The following FGGY variants were observed in gnomAD, a reference collection of about 807,000 sequenced individuals.
FGGY encodes the protein FGGY carbohydrate kinase domain containing, also known as FGGY carbohydrate kinase domain-containing protein.
FGGY carries 72 observed loss-of-function variants against 71.3 expected under a neutral mutation model. The ratio of observed to expected loss-of-function variants is 1.01; its 90% CI spans 0.84 to 1.23. FGGY has a LOEUF of 1.23. FGGY is among the 50% of genes most tolerant of loss of function. The pLI is 0.00. For missense variants in FGGY, 668 were observed against 682.3 expected, an observed-to-expected ratio of 0.98 and a Z score of 0.23; for synonymous variants, 251 against 250.3, an observed-to-expected ratio of 1.00 and a Z score of -0.02.
chr1:59,637,071 G>A (rs1486447030), intron 10 of FGGY, among the ~76,000 whole-genome samples: 2 of 152,188 alleles, frequency 1.3e-5, no homozygotes, highest in Non-Finnish European at 2.9e-5. Flanking sequence ...GGGGAAGGTT[G>A]ACCAGCTTTC....
chr1:59,420,002 G>A (rs1450020345), intron 5 of FGGY, among the ~76,000 whole-genome samples: 1 of 152,230 alleles, frequency 6.6e-6, no homozygotes, highest in Non-Finnish European at 1.5e-5. Context: ...GAGATAATGT[G>A]TAGTGATTTG....
chr1:59,624,325 C>T (rs1013579027), intron 9 of FGGY, among the ~76,000 whole-genome samples: 6 of 152,062 alleles, frequency 3.9e-5, no homozygotes, highest in African/African-American at 1.4e-4. Flanking sequence ...TGACCTTGGG[C>T]AAGATATTCA....
chr1:59,730,498 C>A (rs1278027038), intron 14 of FGGY, among the ~76,000 whole-genome samples: 1 of 152,140 alleles, frequency 6.6e-6, no homozygotes, highest in Non-Finnish European at 1.5e-5. Context: ...AGAATAGCAC[C>A]TGACTCAAAG....
chr1:59,472,867 C>T (rs1272766892), intron 6 of FGGY, among the ~76,000 whole-genome samples: 1 of 152,066 alleles, frequency 6.6e-6, no homozygotes, highest in African/African-American at 2.4e-5. Context: ...AATCAGCACC[C>T]AGTGTCTAGC....
At chr1:59,546,422 AGGGTT>A (rs201598260) in intron 7 of FGGY, among the ~76,000 whole-genome samples, 3,137 of 13,394 alleles carry the variant, frequency 0.23, 145 homozygotes, top group African/African-American at 0.42. Flanking sequence ...AGAGGGTGGG[AGGGTT>A]GGGGTGGGGA....
At chr1:59,325,401 A>G (rs2047249894) in intron 2 of FGGY, among the ~76,000 whole-genome samples, 2 of 152,062 alleles carry the variant, frequency 1.3e-5, no homozygotes, top group Non-Finnish European at 2.9e-5. Flanking sequence ...AGTAAGCTTA[A>G]ACATTCCTGT....
intron 14 of FGGY, among the ~76,000 whole-genome samples, chr1:59,697,095 A>T (rs1398192192): frequency 6.6e-6 from 1 of 152,238 alleles, no homozygotes; most frequent in Non-Finnish European, 1.5e-5. Flanking sequence ...GTTGAAGGTC[A>T]TGCTTCATAT....
At chr1:59,617,826 G>C (rs144465505) in intron 9 of FGGY, among the ~76,000 whole-genome samples, 67 of 152,186 alleles carry the variant, frequency 4.4e-4, no homozygotes, top group Middle Eastern at 3.4e-3. Flanking sequence ...ATTGTGCTTG[G>C]ATTGAGTCAC....
intron 6 of FGGY, among the ~76,000 whole-genome samples, chr1:59,476,183 G>A (rs1289161368): frequency 6.6e-6 from 1 of 152,168 alleles, no homozygotes; most frequent in Non-Finnish European, 1.5e-5. Flanking sequence ...TCAGAGAAGA[G>A]CTTTCCCTTA....
intron 8 of FGGY, among the ~76,000 whole-genome samples, chr1:59,557,580 T>C (rs184108829): frequency 1.3e-5 from 2 of 152,356 alleles, no homozygotes; most frequent in Non-Finnish European, 1.5e-5. Context: ...GCTGCACATT[T>C]ATCTTCCTTG....
chr1:59,690,830 C>A (rs1356743495), intron 14 of FGGY, among the ~76,000 whole-genome samples: 1 of 152,244 alleles, frequency 6.6e-6, no homozygotes, highest in Non-Finnish European at 1.5e-5. Flanking sequence ...CAGGTAAAAT[C>A]TGACCTATGT....
At chr1:59,546,525 TGA>T (rs56911974) in intron 7 of FGGY, among the ~76,000 whole-genome samples, 3,145 of 100,624 alleles carry the variant, frequency 0.031, 60 homozygotes, top group South Asian at 0.063. Flanking sequence ...ATGATGATGA[TGA>T]TGATGATGAT....
intron 9 of FGGY, among the ~76,000 whole-genome samples, chr1:59,609,711 A>T (rs1398593011): frequency 6.6e-6 from 1 of 152,226 alleles, no homozygotes; most frequent in Non-Finnish European, 1.5e-5. Context: ...TGTATATGCA[A>T]ATATCTGTGA....
chr1:59,535,800 A>G (rs1233336007), intron 7 of FGGY, among the ~76,000 whole-genome samples: 1 of 149,526 alleles, frequency 6.7e-6, no homozygotes, highest in African/African-American at 2.5e-5. Context: ...CAAAGACACA[A>G]CATACCAGAA....
At chr1:59,410,928 CCTT>C (rs959311049) in intron 5 of FGGY, among the ~76,000 whole-genome samples, 1 of 152,144 alleles carries the variant, frequency 6.6e-6, no homozygotes, top group Non-Finnish European at 1.5e-5. Context: ...ACTATGGGAA[CCTT>C]CTGTGTCACT....
At chr1:59,312,669 A>G (rs1341048553) in intron 1 of FGGY, among the ~76,000 whole-genome samples, 1 of 152,134 alleles carries the variant, frequency 6.6e-6, no homozygotes, top group Admixed American at 6.5e-5. Flanking sequence ...AGATTTTTTC[A>G]TCCATGATAT....
intron 5 of FGGY, among the ~76,000 whole-genome samples, chr1:59,403,890 C>T (rs1046578293): frequency 7.2e-5 from 11 of 152,204 alleles, no homozygotes; most frequent in African/African-American, 2.7e-4. Context: ...TTCCTCATCT[C>T]AGATGATAAT....
chr1:59,324,015 A>G (rs1377844182), intron 2 of FGGY, among the ~76,000 whole-genome samples: 1 of 152,158 alleles, frequency 6.6e-6, no homozygotes, highest in Non-Finnish European at 1.5e-5. Context: ...GTGGCATCAG[A>G]TATGTCCTGG....
intron 8 of FGGY, among the ~76,000 whole-genome samples, chr1:59,600,467 C>G (rs2096566267): frequency 6.6e-6 from 1 of 151,994 alleles, no homozygotes; most frequent in African/African-American, 2.4e-5. Context: ...ATGAGCTGAC[C>G]CTAAGAGATG....
Sources: allele counts gnomAD v4.1 joint callset (sites outside exome capture counted in the v4.1 genomes callset), GRCh38; gene constraint gnomAD v4.1.1; transcripts MANE v1.5; gene names NCBI Gene and HGNC (gene_info 2026-07-23, HGNC 2026-07-21).